Variants in DTNA observed in about 807,000 individuals in gnomAD.
DTNA encodes the protein dystrophin-related protein 3.
Under a neutral mutation model 100.7 loss-of-function variants are expected in DTNA, and 43 were observed. The ratio of observed to expected loss-of-function variants is 0.43; its 90% CI spans 0.33 to 0.55. The LOEUF (loss-of-function observed/expected upper bound fraction) is 0.55, where lower values mean the gene tolerates loss of function less well. Among genes scored for constraint, DTNA ranks in the 20% least tolerant of loss-of-function variants. The probability of loss-of-function intolerance (pLI) is 0.04; values close to 1 mark genes in which losing one functional copy is unlikely to be tolerated. For missense variants in DTNA, 798 were observed against 953.9 expected (o/e 0.84, Z 2.15); for synonymous variants, 349 against 347.9 (o/e 1.00, Z -0.04).
chr18:34,673,914 A>G (rs569161072), intron 1 of DTNA, among the ~76,000 whole-genome samples: 23 of 152,330 alleles, frequency 1.5e-4, no homozygotes, highest in African/African-American at 5.1e-4. Flanking sequence ...GTCTTGTTAA[A>G]TTTTATCAGA....
At chr18:34,645,746 T>TGTG (rs1049466661) in intron 1 of DTNA, among the ~76,000 whole-genome samples, 1 of 152,190 alleles carries the variant, frequency 6.6e-6, no homozygotes, top group African/African-American at 2.4e-5. Flanking sequence ...TCTAGAACTC[T>TGTG]GTAAGAGAAG....
At chr18:34,618,785 T>C (rs770029459) in intron 1 of DTNA, among the ~76,000 whole-genome samples, 3 of 152,164 alleles carry the variant, frequency 2.0e-5, no homozygotes, top group African/African-American at 7.2e-5. Context: ...AAAACCTGTA[T>C]TTTTAAAATA....
At chr18:34,829,956 TC>T (rs538682127) in intron 11 of DTNA, among the ~76,000 whole-genome samples, 2 of 152,180 alleles carry the variant, frequency 1.3e-5, no homozygotes, top group African/African-American at 4.8e-5. Flanking sequence ...TGGTCCATTT[TC>T]CCCCCAGGGA....
At chr18:34,849,939 A>G (rs1379112425) in intron 14 of DTNA, among the ~76,000 whole-genome samples, 1 of 152,184 alleles carries the variant, frequency 6.6e-6, no homozygotes, top group Non-Finnish European at 1.5e-5. Context: ...CTCCATGCAC[A>G]TGTTATTATT....
chr18:34,891,748 C>T lies in DTNA; in HGVS notation c.*4014C>T, dbSNP rs928810364. On this transcript the variant is annotated 3_prime_UTR_variant, in exon 23 of 23. Transcript: ENST00000444659. The stretch of plus-strand genomic sequence containing the variant: ...TCTTAACACTTTATGTGACTTCACT[C>T]AATTCTTTGAATCCTCTGCATCTAG... The T allele has an allele frequency of 4.6e-5, 7 of 152,226 alleles. No individual in the cohort carries two copies. The highest frequency in any genetic ancestry group is 1.4e-4 in the African/African-American group (6 of 41,448). The allele number at this position is 152,226 out of a possible 1,614,324, so 9.4% of individuals were successfully genotyped here.
chr18:34,753,366 A>ATTTATTTATTTTTTTTT (rs2092499145), intron 1 of DTNA, among the ~76,000 whole-genome samples: 1 of 133,150 alleles, frequency 7.5e-6, no homozygotes, highest in Non-Finnish European at 1.5e-5. Context: ...TATTTATTTT[A>ATTTATTTATTTTTTTTT]TTTTTTTTTT....
intron 1 of DTNA, among the ~76,000 whole-genome samples, chr18:34,677,200 C>T (rs962878354): frequency 1.3e-5 from 2 of 152,076 alleles, no homozygotes; most frequent in African/African-American, 2.4e-5. Flanking sequence ...CCTTGTGATC[C>T]GTAGACCACC....
chr18:34,833,417 TG>T (rs1303720866), intron 11 of DTNA, among the ~76,000 whole-genome samples: 43 of 152,142 alleles, frequency 2.8e-4, no homozygotes, highest in African/African-American at 1.0e-3. Flanking sequence ...TGTGTGTGTG[TG>T]TGTGTGTGTG....
At chr18:34,867,172 T>C in intron 17 of DTNA, 1 of 1,231,420 alleles carries the variant, frequency 8.1e-7, no homozygotes, top group Non-Finnish European at 1.0e-6. Context: ...GTATCTTTCA[T>C]TTCTTCTGTA....
intron 1 of DTNA, among the ~76,000 whole-genome samples, chr18:34,678,594 G>A (rs2077674166): frequency 6.6e-6 from 1 of 152,074 alleles, no homozygotes; most frequent in East Asian, 1.9e-4. Flanking sequence ...CTGGCACCTG[G>A]GATAGTAACA....
At chr18:34,837,816 A>G (rs1335273403) in intron 11 of DTNA, among the ~76,000 whole-genome samples, 1 of 152,202 alleles carries the variant, frequency 6.6e-6, no homozygotes, top group Non-Finnish European at 1.5e-5. Context: ...ATGAATTTTC[A>G]TTATGTCTAG....
At position 34,890,566 on chromosome 18, in the gene DTNA, A is replaced by T. The variant is rs902637602; in HGVS notation, c.*2832A>T. 7 of 1,416,086 alleles carry T rather than the reference A, an allele frequency of 4.9e-6. No homozygotes were observed. The African/African-American group carries it at 5.7e-5, about 12-fold the overall frequency. The allele number at this position is 1,416,086 out of a possible 1,614,324, so 87.7% of individuals were successfully genotyped here. A position where few individuals can be genotyped will look rare whatever the true frequency, so the allele number is the denominator to read the frequency against. ...CCATCAGAGCTGATAGCCTGTTAAT[A>T]AGCACTGGTCTAACACAGCCAACCC... On this transcript the variant is annotated 3_prime_UTR_variant, in exon 23 of 23. Transcript: ENST00000444659.
intron 21 of DTNA, among the ~76,000 whole-genome samples, chr18:34,884,198 G>A (rs1285483637): frequency 1.3e-5 from 2 of 152,162 alleles, no homozygotes; most frequent in Non-Finnish European, 2.9e-5. Context: ...CTTTGAGCTC[G>A]TGTCACCTTC....
At chr18:34,871,017 A>C (rs113420206) in intron 17 of DTNA, among the ~76,000 whole-genome samples, 1,733 of 152,336 alleles carry the variant, frequency 0.011, 30 homozygotes, top group African/African-American at 0.038. Flanking sequence ...AAGGATAAAA[A>C]CAGGGCTGAA....
intron 1 of DTNA, among the ~76,000 whole-genome samples, chr18:34,731,525 G>T (rs1017616472): frequency 1.3e-5 from 2 of 152,160 alleles, no homozygotes; most frequent in Admixed American, 1.3e-4. Context: ...TAGATAAAAG[G>T]GATATACAAT....
At chr18:34,662,160 C>G (rs1393910213) in intron 1 of DTNA, among the ~76,000 whole-genome samples, 1 of 145,690 alleles carries the variant, frequency 6.9e-6, no homozygotes, top group Non-Finnish European at 1.5e-5. Flanking sequence ...GTACTCAGGT[C>G]AAAGATGGTA....
At chr18:34,884,333 C>A (rs1224937526) in intron 21 of DTNA, among the ~76,000 whole-genome samples, 2 of 152,014 alleles carry the variant, frequency 1.3e-5, no homozygotes, top group East Asian at 1.9e-4. Context: ...AAAAATGTAA[C>A]CTTCTATGAG....
At chr18:34,769,753 C>CTTTTTTTTTTTTTTG (rs1568462894) in intron 3 of DTNA, among the ~76,000 whole-genome samples, 1 of 33,170 alleles carries the variant, frequency 3.0e-5, no homozygotes, top group Non-Finnish European at 8.1e-5. Flanking sequence ...CAGAGTTTCA[C>CTTTTTTTTTTTTTTG]TCTTTTTTCC....
At chr18:34,697,875 T>A (rs894120471) in intron 1 of DTNA, among the ~76,000 whole-genome samples, 1 of 152,136 alleles carries the variant, frequency 6.6e-6, no homozygotes, top group African/African-American at 2.4e-5. Context: ...CAGGAAGTGT[T>A]GGTGATCACA....
Sources: gnomAD v4.1 joint callset for allele counts (sites outside exome capture counted in the v4.1 genomes callset) on GRCh38, gnomAD v4.1.1 for gene constraint, MANE v1.5 for transcripts, NCBI Gene and HGNC (gene_info 2026-07-23, HGNC 2026-07-21) for gene names.